The following ARPP21 variants were observed in gnomAD, a reference collection of about 807,000 sequenced individuals.
ARPP21 encodes the protein cAMP regulated phosphoprotein 21, also known as cAMP-regulated phosphoprotein 21.
A neutral mutation model predicts 113.2 loss-of-function variants in ARPP21; 69 were observed. The observed-to-expected ratio is 0.61, with a 90% confidence interval of 0.50 to 0.74. The LOEUF (loss-of-function observed/expected upper bound fraction) is 0.74, where lower values mean the gene tolerates loss of function less well. Among genes scored for constraint, ARPP21 ranks in the 30% least tolerant of loss-of-function variants. ARPP21 has a pLI of 0.00. For missense variants in ARPP21, 1,070 were observed against 1,037.4 expected (o/e 1.03, Z -0.43); for synonymous variants, 368 against 375.5 (o/e 0.98, Z 0.23).
rs573536242 is a variant in ARPP21 at position 35,743,990 on chromosome 3, G to T, written c.2137+25G>T. 6.2e-6 allele frequency: 10 copies of T among 1,613,744 alleles called. No individual in the cohort carries two copies. In the South Asian group the frequency reaches 1.1e-4, roughly 18 times the overall value. ...GGTACTTGGAATCTGTTTCCCATTT[G>T]CTTCTCAACCCAGTTATTTTTGCTG... On this transcript the variant is annotated intron_variant, in intron 19 of 20. Transcript: ENST00000684406.
At chr3:35,705,833 C>T (rs1005298048) in intron 9 of ARPP21, among the ~76,000 whole-genome samples, 21 of 152,188 alleles carry the variant, frequency 1.4e-4, no homozygotes, top group African/African-American at 4.8e-4. Context: ...CTATTGTCTG[C>T]TCATCAAAAT....
At chr3:35,725,353 G>A (rs2093445166) in intron 14 of ARPP21, among the ~76,000 whole-genome samples, 2 of 152,194 alleles carry the variant, frequency 1.3e-5, no homozygotes, top group Non-Finnish European at 1.5e-5. Flanking sequence ...AATGTTCTAA[G>A]TATAGGGAGG....
At position 35,668,014 on chromosome 3, in the gene ARPP21, G is replaced by GAAGAAGAAGAAGAAGAAGAAA. The variant is rs1559550166; in HGVS notation, c.-212-11755_-212-11754insAAAAAGAAGAAGAAGAAGAAG. ...AGAAGAAGAAGAAGAAGAAGAAGAA[G>GAAGAAGAAGAAGAAGAAGAAA]AAGAAGAAGAAGAAGAAGGAGAAGA... On this transcript the variant is annotated intron_variant, in intron 1 of 20. Coordinates refer to ENST00000684406, the MANE Select transcript of ARPP21 (RefSeq NM_001385562.1). Among the ~76,000 whole-genome samples, 193 of 149,826 alleles carry GAAGAAGAAGAAGAAGAAGAAA rather than the reference G, an allele frequency of 1.3e-3. 3 individuals carry two copies. Among genetic ancestry groups the GAAGAAGAAGAAGAAGAAGAAA allele is most frequent in the African/African-American group, 4.3e-3 (174 of 40,046 alleles).
At chr3:35,781,774 T>C (rs1576991528) in intron 19 of ARPP21, among the ~76,000 whole-genome samples, 1 of 152,120 alleles carries the variant, frequency 6.6e-6, no homozygotes, top group East Asian at 1.9e-4. Flanking sequence ...ATTGATGAAA[T>C]TACAAAATAA....
chr3:35,763,286 T>C (rs2095846574), intron 19 of ARPP21, among the ~76,000 whole-genome samples: 1 of 152,152 alleles, frequency 6.6e-6, no homozygotes, highest in African/African-American at 2.4e-5. Context: ...GTATCTCCCT[T>C]ACAACTGGGC....
chr3:35,693,717 T>C (rs1177469659), intron 9 of ARPP21, among the ~76,000 whole-genome samples: 1 of 151,688 alleles, frequency 6.6e-6, no homozygotes, highest in Admixed American at 6.6e-5. Flanking sequence ...TTCAGAGTTG[T>C]CTTATCAGGG....
intron 5 of ARPP21, chr3:35,684,804 T>C: frequency 1.0e-6 from 1 of 985,000 alleles, no homozygotes; most frequent in Non-Finnish European, 1.2e-6. Context: ...GAGAGTGTTT[T>C]TTTTTCTAGC....
intron 15 of ARPP21, among the ~76,000 whole-genome samples, chr3:35,736,095 G>A (rs1421535206): frequency 2.0e-5 from 3 of 152,008 alleles, no homozygotes; most frequent in Admixed American, 6.6e-5. Context: ...TACTGACCAG[G>A]GTCATTTTCT....
At chr3:35,647,623 G>A (rs569752417) in intron 1 of ARPP21, among the ~76,000 whole-genome samples, 6 of 152,264 alleles carry the variant, frequency 3.9e-5, no homozygotes, top group Non-Finnish European at 8.8e-5. Flanking sequence ...TATCTGAATC[G>A]CATTTTCTGT....
intron 2 of ARPP21, among the ~76,000 whole-genome samples, chr3:35,680,628 T>A (rs2078611533): frequency 6.6e-6 from 1 of 151,930 alleles, no homozygotes; most frequent in Non-Finnish European, 1.5e-5. Context: ...ATAATTACCA[T>A]TGTAATGACT....
At chr3:35,727,968 C>G (rs1384381445) in intron 14 of ARPP21, among the ~76,000 whole-genome samples, 1 of 151,936 alleles carries the variant, frequency 6.6e-6, no homozygotes, top group East Asian at 1.9e-4. Context: ...GTTCCTGTTA[C>G]CTGTGTGTTT....
At position 35,681,829 on chromosome 3, in the gene ARPP21, C is replaced by T. The variant is rs756019289; in HGVS notation, c.78C>T (p.Asn26=). The T allele has an allele frequency of 3.2e-5, 51 of 1,611,802 alleles. No individual in the cohort carries two copies. The highest frequency in any genetic ancestry group is 9.4e-5 in the African/African-American group (7 of 74,722). ...GTEQETATPE[N]GIVKSESLDE... ...AGCAGGAGACGGCCACTCCAGAGAACGGCATTGTTAAATCAGAAAGTCTGG... is the reference window on the plus strand; with the variant it reads ...AGCAGGAGACGGCCACTCCAGAGAATGGCATTGTTAAATCAGAAAGTCTGG... Residue 26 remains asparagine, a synonymous_variant, in exon 3 of 21, where the codon AAC becomes AAT. Coordinates refer to ENST00000684406, the MANE Select transcript of ARPP21 (RefSeq NM_001385562.1).
At chr3:35,645,271 T>C (rs1395706340) in intron 1 of ARPP21, among the ~76,000 whole-genome samples, 39 of 151,938 alleles carry the variant, frequency 2.6e-4, no homozygotes, top group Admixed American at 2.6e-3. Context: ...AAATCCATTA[T>C]GAATAACACA....
chr3:35,702,779 A>G (rs2086932628), intron 9 of ARPP21, among the ~76,000 whole-genome samples: 1 of 151,872 alleles, frequency 6.6e-6, no homozygotes, highest in South Asian at 2.1e-4. Flanking sequence ...ATAAAATGAC[A>G]AACTGATAAT....
rs146391873 is a variant in ARPP21, at chr3:35,729,355, T to C, written c.1278T>C (p.His426=). The change falls in exon 15 of 21, where the codon CAT becomes CAC. Residue 426 remains histidine, a synonymous_variant. Coordinates refer to ENST00000684406, the MANE Select transcript of ARPP21 (RefSeq NM_001385562.1). Reference sequence around the variant, plus strand: ...CCTCAGGATCGCTGTCCCGCACCCATCCACCTCTCCAGAGCACACCCCTAG... The same window carrying C: ...CCTCAGGATCGCTGTCCCGCACCCACCCACCTCTCCAGAGCACACCCCTAG... ...AGSSGSLSRT[H]PPLQSTPLVS... is the part of the protein sequence containing the mutation. The C allele has an allele frequency of 6.8e-6, 11 of 1,614,040 alleles. No homozygotes were observed. The highest frequency in any genetic ancestry group is 9.3e-6 in the Non-Finnish European group (11 of 1,180,036).
intron 15 of ARPP21, among the ~76,000 whole-genome samples, chr3:35,736,696 T>A (rs933274021): frequency 6.6e-6 from 1 of 152,216 alleles, no homozygotes; most frequent in Non-Finnish European, 1.5e-5. Flanking sequence ...GAACTGATAA[T>A]GATTCTGAAT....
chr3:35,789,399 A>G (rs1559971658), intron 19 of ARPP21, among the ~76,000 whole-genome samples: 1 of 152,232 alleles, frequency 6.6e-6, no homozygotes, highest in Non-Finnish European at 1.5e-5. Flanking sequence ...TAATTTAAAG[A>G]AATGAGTAGC....
chr3:35,711,340 G>T (rs1401891664), intron 11 of ARPP21, among the ~76,000 whole-genome samples: 3 of 152,082 alleles, frequency 2.0e-5, no homozygotes, highest in Admixed American at 1.3e-4. Flanking sequence ...TAAAGAAATG[G>T]TCCCTATTGT....
chr3:35,694,935 AAT>A (rs765190776), intron 9 of ARPP21, among the ~76,000 whole-genome samples: 2 of 147,452 alleles, frequency 1.4e-5, no homozygotes, highest in African/African-American at 4.9e-5. Context: ...TATTATACAT[AAT>A]ATATATATTT....
Sources: gnomAD v4.1 joint callset for allele counts (sites outside exome capture counted in the v4.1 genomes callset) on GRCh38, gnomAD v4.1.1 for gene constraint, MANE v1.5 for transcripts, NCBI Gene and HGNC (gene_info 2026-07-23, HGNC 2026-07-21) for gene names.